VWDE: variants seen among roughly 807,000 people sequenced by gnomAD.
VWDE encodes the protein von Willebrand factor D and EGF domain-containing protein.
A neutral mutation model predicts 178.4 loss-of-function variants in VWDE; 207 were observed. The ratio of observed to expected loss-of-function variants is 1.16; its 90% confidence interval spans 1.04 to 1.30. VWDE has a LOEUF of 1.30. Among genes scored for constraint, VWDE ranks in the 50% most tolerant of loss-of-function variants. The pLI, the probability that VWDE is intolerant of heterozygous loss-of-function variation, is 0.00. For synonymous variants in VWDE, 738 were observed against 651.4 expected (o/e 1.13, Z -2.02); for missense variants, 2,287 against 1,901.3 (o/e 1.20, Z -3.77).
At chr7:12,371,604 T>G (rs1311030957) in intron 10 of VWDE, among the ~76,000 whole-genome samples, 2 of 152,156 alleles carry the variant, frequency 1.3e-5, no homozygotes, top group Non-Finnish European at 2.9e-5. Context: ...TTTTTTTCTC[T>G]TTTTACAAAA....
rs147613235 is a variant in VWDE, at chr7:12,398,273, C to G, written c.59-4495G>C. 6.4e-3 allele frequency among the ~76,000 whole-genome samples: 974 copies of G among 152,198 alleles called. 12 individuals carry two copies. The highest frequency in any genetic ancestry group is 0.022 in the African/African-American group (900 of 41,534). Reference sequence around the variant, plus strand: ...TTTTGAATAAATATAGAAATTGACCCTCCCAGTCTTAAAACTTCAGAAAGT... The same window carrying G: ...TTTTGAATAAATATAGAAATTGACCGTCCCAGTCTTAAAACTTCAGAAAGT... On this transcript the variant is annotated intron_variant, in intron 1 of 28. Transcript: ENST00000275358.
At chr7:12,389,074 G>A (rs929564017) in intron 3 of VWDE, 53 bp downstream of exon 3, 31 of 1,203,262 alleles carry the variant, frequency 2.6e-5, no homozygotes, top group Admixed American at 1.0e-4. Flanking sequence ...AGAATGGTAC[G>A]AATGGCAGAG....
intron 28 of VWDE, among the ~76,000 whole-genome samples, chr7:12,331,813 CAGG>C (rs1780735690): frequency 6.6e-6 from 1 of 152,098 alleles, no homozygotes; most frequent in Non-Finnish European, 1.5e-5. Flanking sequence ...CAGCCACAAG[CAGG>C]AGGTTATGAT....
rs1244915334 is a variant in VWDE at position 12,380,628 on chromosome 7, G to C, written c.647C>G (p.Ala216Gly). Residue 216 changes from alanine to glycine, a missense_variant, in exon 5 of 29, where the codon GCT becomes GGT. Transcript: ENST00000275358. ...GTGAAATCCCACTGAGTTTTTTGTA[G>C]CGGGAACATCAAAAGAACACCTACA... ...LFCRCSFDVP[A>G]TKNSVGFHIA... The C allele has an allele frequency of 1.3e-6, 2 of 1,552,250 alleles. No homozygotes were observed. The highest frequency in any genetic ancestry group is 1.7e-6 in the Non-Finnish European group (2 of 1,147,148).
Position 12,367,344 on chromosome 7 carries a change from A to G in VWDE, c.2898+13T>C, listed in dbSNP as rs1782916874. 3 of 1,530,932 alleles carry G rather than the reference A, an allele frequency of 2.0e-6. No individual in the cohort carries two copies. The highest frequency in any genetic ancestry group is 2.8e-5 in the African/African-American group (2 of 71,904). The allele number at this position is 1,530,932 out of a possible 1,614,324, so 94.8% of individuals were successfully genotyped here. A position where few individuals can be genotyped will look rare whatever the true frequency, so the allele number is the denominator to read the frequency against. On this transcript the variant is annotated intron_variant, in intron 13 of 28. Transcript: ENST00000275358. ...ATACACTCTATTGTTTCTGAACTCT[A>G]TAATTAACATACCTGTAGCTTAGTA...
At chr7:12,365,949 C>T (rs1782835779) in intron 13 of VWDE, among the ~76,000 whole-genome samples, 1 of 151,982 alleles carries the variant, frequency 6.6e-6, no homozygotes, top group Non-Finnish European at 1.5e-5. Context: ...GAGGGAGGGA[C>T]ATAGTGGGAG....
chr7:12,356,604 G>A (rs1782266670), intron 17 of VWDE, among the ~76,000 whole-genome samples: 1 of 152,136 alleles, frequency 6.6e-6, no homozygotes, highest in Non-Finnish European at 1.5e-5. Context: ...TTTCTGTCAT[G>A]CAAGTAGAAC....
Position 12,369,527 on chromosome 7 carries a change from T to G in VWDE, c.2761+18A>C. The G allele has an allele frequency of 6.7e-7, 1 of 1,495,460 alleles. No homozygotes were observed. Among genetic ancestry groups the G allele is most frequent in the Non-Finnish European group, 8.9e-7 (1 of 1,117,502 alleles). The allele number at this position is 1,495,460 out of a possible 1,614,324, so 92.6% of individuals were successfully genotyped here. A position where few individuals can be genotyped will look rare whatever the true frequency, so the allele number is the denominator to read the frequency against. ...GAAATATCACATGCAATATCAAACT[T>G]TGAGAGTACTTACTTACCATAGGAA... On this transcript the variant is annotated intron_variant, in intron 12 of 28. Coordinates refer to ENST00000275358, the MANE Select transcript of VWDE (RefSeq NM_001135924.3).
chr7:12,367,549 A>G (rs1782930988), intron 12 of VWDE, 56 bp from the exon 13 acceptor site: 1 of 1,366,432 alleles, frequency 7.3e-7, no homozygotes. Context: ...CAGAAAAAAA[A>G]ACTAATTATT....
At chr7:12,383,207 C>G (rs1430913061) in intron 4 of VWDE, among the ~76,000 whole-genome samples, 2 of 151,930 alleles carry the variant, frequency 1.3e-5, no homozygotes, top group Non-Finnish European at 2.9e-5. Flanking sequence ...CGCACACTTC[C>G]CTAAATAGTT....
At chr7:12,391,084 T>C (rs1784367963) in intron 2 of VWDE, among the ~76,000 whole-genome samples, 1 of 152,186 alleles carries the variant, frequency 6.6e-6, no homozygotes, top group Non-Finnish European at 1.5e-5. Flanking sequence ...ATGATAATGC[T>C]ATAACTGTAA....
At chr7:12,391,228 C>G (rs848010) in intron 2 of VWDE, among the ~76,000 whole-genome samples, 13,072 of 152,130 alleles carry the variant, frequency 0.086, 621 homozygotes, top group African/African-American at 0.12. Flanking sequence ...AAATGTTGTT[C>G]CATTCCTGTT....
intron 19 of VWDE, among the ~76,000 whole-genome samples, chr7:12,346,849 T>C (rs1781630012): frequency 6.6e-6 from 1 of 152,080 alleles, no homozygotes. Flanking sequence ...AAAAAACACT[T>C]AATGCTTCTC....
At position 12,361,423 on chromosome 7, in the gene VWDE, C is replaced by T. The variant is rs1583304599; in HGVS notation, c.2997G>A (p.Gln999=). The T allele has an allele frequency of 6.4e-7, 1 of 1,551,220 alleles. No individual in the cohort carries two copies. The highest frequency in any genetic ancestry group is 2.4e-5 in the East Asian group (1 of 40,866). The change falls in exon 14 of 29, where the codon CAG becomes CAA. Residue 999 remains glutamine (Q), a synonymous_variant. Transcript: ENST00000275358. ...AVDCQLPTDV[Q]QFDTMDLVGG... is the part of the protein sequence containing the mutation. ...CCACCAGATCCATGGTATCAAACTGCTGAACATCAGTGGGCAGCTGACAAT... is the reference window on the plus strand; with the variant it reads ...CCACCAGATCCATGGTATCAAACTGTTGAACATCAGTGGGCAGCTGACAAT...
intron 1 of VWDE, 89 bp from the exon 2 acceptor site, chr7:12,393,867 A>G: frequency 8.9e-7 from 1 of 1,120,760 alleles, no homozygotes; most frequent in Non-Finnish European, 1.2e-6. Flanking sequence ...CCAAAACAAA[A>G]AATAAAGCAA....
Position 12,389,204 on chromosome 7 carries a change from A to T in VWDE, c.398T>A (p.Val133Glu). The change falls in exon 3 of 29, where the codon GTG becomes GAG. Residue 133 changes from valine (V) to glutamate (E), a missense_variant. Val to Glu is a moderately radical substitution (Grantham distance 121). Coordinates refer to ENST00000275358, the MANE Select transcript of VWDE (RefSeq NM_001135924.3). ...TKDCCLFQIP[V>E]SVRNCGNFSV... ...AAAGTTCCCACAGTTTCTTACAGAC[A>T]CTGGGATTTGAAAGAGACAGCAGTC... 1 of 1,551,850 alleles carries T rather than the reference A, an allele frequency of 6.4e-7. No homozygotes were observed. The highest frequency in any genetic ancestry group is 8.7e-7 in the Non-Finnish European group (1 of 1,147,034).
chr7:12,354,580 C>G (rs1554265296), intron 18 of VWDE: 2 of 241,250 alleles, frequency 8.3e-6, no homozygotes, highest in South Asian at 9.8e-5. Context: ...CTTTTTATGT[C>G]TGTCCTTCTA....
intron 9 of VWDE, among the ~76,000 whole-genome samples, chr7:12,374,264 G>C (rs771365122): frequency 6.6e-6 from 1 of 151,876 alleles, no homozygotes; most frequent in Non-Finnish European, 1.5e-5. Context: ...TTTTTTTCCT[G>C]AGTATTCTTG....
intron 19 of VWDE, among the ~76,000 whole-genome samples, chr7:12,348,201 A>G (rs1781720270): frequency 1.2e-5 from 1 of 80,580 alleles, no homozygotes. Flanking sequence ...AAGCAATGGC[A>G]ACACAAAGCC....
Sources: allele counts gnomAD v4.1 joint callset (sites outside exome capture counted in the v4.1 genomes callset), GRCh38; gene constraint gnomAD v4.1.1; transcripts MANE v1.5; gene names NCBI Gene and HGNC (gene_info 2026-07-23, HGNC 2026-07-21).